Variants in SLC23A2 observed in about 807,000 individuals in gnomAD.
SLC23A2 encodes Na(+)/L-ascorbic acid transporter 2.
A neutral mutation model predicts 73.3 loss-of-function variants in SLC23A2; 36 were observed. The ratio of observed to expected loss-of-function variants is 0.49; its 90% CI spans 0.38 to 0.65. SLC23A2 has a LOEUF of 0.65. Ranked by LOEUF, SLC23A2 falls within the 30% of genes least tolerant of loss-of-function variation. The probability of loss-of-function intolerance (pLI) is 0.00; values close to 1 mark genes in which losing one functional copy is unlikely to be tolerated. For missense variants in SLC23A2, 507 were observed against 841.6 expected, an observed-to-expected ratio of 0.60 and a Z score of 4.92; for synonymous variants, 343 against 327.3, an observed-to-expected ratio of 1.05 and a Z score of -0.52.
chr20:4,972,836 C>G lies in SLC23A2; in HGVS notation c.-281-1917G>C, dbSNP rs542764191. On this transcript the variant is annotated intron_variant, in intron 1 of 16. Transcript: ENST00000338244. ...TCGACCTTAGGTGATCCACCCGCCTCGGCTCCCAAAGTGCTGGGATTACAG... is the reference window on the plus strand; with the variant it reads ...TCGACCTTAGGTGATCCACCCGCCTGGGCTCCCAAAGTGCTGGGATTACAG... Among the ~76,000 whole-genome samples, 3 of 151,774 alleles carry G rather than the reference C, an allele frequency of 2.0e-5. No homozygotes were observed. In the East Asian group the frequency reaches 5.9e-4, roughly 30 times the overall value.
chr20:5,006,909 C>A (rs928426355), intron 1 of SLC23A2, among the ~76,000 whole-genome samples: 1 of 151,678 alleles, frequency 6.6e-6, no homozygotes, highest in Non-Finnish European at 1.5e-5. Context: ...CATAACAGAT[C>A]TAGGGCTGCG....
In SLC23A2 at chr20:4,855,772, T is replaced by C. The variant is rs1035899202; in HGVS notation, c.*1200A>G. On this transcript the variant is annotated 3_prime_UTR_variant, in exon 17 of 17. Coordinates refer to ENST00000338244, the MANE Select transcript of SLC23A2 (RefSeq NM_005116.6). ...TTCACAAAACAAATTCACGTGTAAC[T>C]TGACCCATGGTTTCTGGGCTCCGGT... is the stretch of plus-strand genomic sequence containing the variant. 2.0e-5 allele frequency: 3 copies of C among 152,688 alleles called. No homozygotes were observed. The highest frequency in any genetic ancestry group is 2.1e-4 in the South Asian group (1 of 4,836). 9.5% of individuals were successfully genotyped at this position (152,688 alleles called of 1,614,324 possible). A position where few individuals can be genotyped will look rare whatever the true frequency, so the allele number is the denominator to read the frequency against.
chr20:4,948,871 G>T (rs1162656403), intron 2 of SLC23A2, among the ~76,000 whole-genome samples: 1 of 152,130 alleles, frequency 6.6e-6, no homozygotes, highest in East Asian at 1.9e-4. Context: ...GACCTTAAAA[G>T]AATTAAAAAT....
At chr20:4,996,044 T>C (rs919450000) in intron 1 of SLC23A2, among the ~76,000 whole-genome samples, 6 of 152,144 alleles carry the variant, frequency 3.9e-5, no homozygotes, top group African/African-American at 1.4e-4. Context: ...ACTTCATCAA[T>C]AAATGAAGGA....
At position 4,857,685 on chromosome 20, in the gene SLC23A2, CT is replaced by C; in HGVS notation, c.1721-482del. 6.6e-6 allele frequency among the ~76,000 whole-genome samples: 1 copy of C among 152,154 alleles called. No individual in the cohort carries two copies. Among genetic ancestry groups the C allele is most frequent in the Non-Finnish European group, 1.5e-5 (1 of 68,038 alleles). ...GTGGCTCACACCTGTAATCCAAGCACTTTGGGAGGCCGAGGTGAGAGGATCA... is the reference window on the plus strand; with the variant it reads ...GTGGCTCACACCTGTAATCCAAGCACTTGGGAGGCCGAGGTGAGAGGATCA... On this transcript the variant is annotated intron_variant, in intron 16 of 16. Transcript: ENST00000338244. The surrounding 1 kb of genome is among the most constrained non-coding windows in gnomAD (Gnocchi z 4.0).
chr20:4,958,075 C>T (rs1318751879), intron 2 of SLC23A2, among the ~76,000 whole-genome samples: 3 of 152,144 alleles, frequency 2.0e-5, no homozygotes, highest in Non-Finnish European at 4.4e-5. Flanking sequence ...ACTCTCAAAG[C>T]AAATCCACTG....
intron 2 of SLC23A2, among the ~76,000 whole-genome samples, chr20:4,933,213 A>G (rs915072236): frequency 6.6e-6 from 1 of 152,150 alleles, no homozygotes; most frequent in African/African-American, 2.4e-5. Context: ...GGCAATGCGG[A>G]TACAGCCAAT....
intron 11 of SLC23A2, 29 bp from the exon 12 acceptor site, chr20:4,870,082 C>G (rs775982960): frequency 6.4e-7 from 1 of 1,553,800 alleles, no homozygotes. Context: ...CATGAATGCT[C>G]CTAGAGAGGC....
At chr20:4,926,454 T>C (rs1649855509) in intron 3 of SLC23A2, among the ~76,000 whole-genome samples, 1 of 151,954 alleles carries the variant, frequency 6.6e-6, no homozygotes, top group Non-Finnish European at 1.5e-5. Context: ...GTGCTTCCTG[T>C]CTGTACTTTG....
chr20:4,976,014 C>T (rs1011474940), intron 1 of SLC23A2, among the ~76,000 whole-genome samples: 5 of 151,590 alleles, frequency 3.3e-5, no homozygotes, highest in African/African-American at 4.8e-5. Context: ...TCACCAGGCC[C>T]GGCTAATTTT....
intron 4 of SLC23A2, among the ~76,000 whole-genome samples, chr20:4,911,319 C>CA (rs1481438442): frequency 3.3e-5 from 5 of 152,254 alleles, no homozygotes; most frequent in Admixed American, 3.3e-4. Context: ...ATAATAGCTC[C>CA]AAGCAGCAGG....
intron 13 of SLC23A2, among the ~76,000 whole-genome samples, chr20:4,866,479 G>A (rs956732111): frequency 1.3e-5 from 2 of 152,212 alleles, no homozygotes; most frequent in Non-Finnish European, 2.9e-5. Context: ...CCTGTGCTCA[G>A]CACTGGCTTC....
chr20:4,864,105 AG>A (rs1930095699), intron 13 of SLC23A2, among the ~76,000 whole-genome samples: 1 of 152,232 alleles, frequency 6.6e-6, no homozygotes, highest in African/African-American at 2.4e-5. Context: ...TGCCTCTTGC[AG>A]GAAAACACCC....
intron 2 of SLC23A2, among the ~76,000 whole-genome samples, chr20:4,954,307 C>A (rs755661317): frequency 6.6e-6 from 1 of 152,064 alleles, no homozygotes; most frequent in Non-Finnish European, 1.5e-5. Context: ...AAACTTTGCA[C>A]CCCATAGAAA....
At chr20:4,904,240 C>G (rs368170329) in intron 4 of SLC23A2, among the ~76,000 whole-genome samples, 1 of 152,146 alleles carries the variant, frequency 6.6e-6, no homozygotes, top group Admixed American at 6.5e-5. Flanking sequence ...CATACCTATA[C>G]GACAGATCCC....
intron 2 of SLC23A2, among the ~76,000 whole-genome samples, chr20:4,942,026 T>C (rs982731862): frequency 1.3e-5 from 2 of 152,132 alleles, no homozygotes; most frequent in African/African-American, 4.8e-5. Flanking sequence ...CTACAAAAGA[T>C]GGGCCCAATT....
At chr20:4,917,266 C>T (rs1401034264) in intron 3 of SLC23A2, among the ~76,000 whole-genome samples, 1 of 152,106 alleles carries the variant, frequency 6.6e-6, no homozygotes, top group Non-Finnish European at 1.5e-5. Context: ...AAGGAATGAC[C>T]CTTTGGCACA....
rs891431387 is a variant in SLC23A2, at chr20:4,947,313, A to G, written c.-154-14597T>C. Among the ~76,000 whole-genome samples, 1 of 152,264 alleles carries G rather than the reference A, an allele frequency of 6.6e-6. No individual in the cohort carries two copies. ...GAAAGGGAGGGGCAGTATAGCAAAA[A>G]GTGCAGCCTGCATGACAAAATTAAA... On this transcript the variant is annotated intron_variant, in intron 2 of 16. Coordinates refer to ENST00000338244, the MANE Select transcript of SLC23A2 (RefSeq NM_005116.6). This position sits in a 1 kb window ranked among gnomAD's most constrained non-coding sequence, Gnocchi z 4.4.
intron 2 of SLC23A2, among the ~76,000 whole-genome samples, chr20:4,954,618 A>C (rs2087253614): frequency 6.6e-6 from 1 of 150,808 alleles, no homozygotes; most frequent in Non-Finnish European, 1.5e-5. Flanking sequence ...GAATTGCTTG[A>C]ACCTAGGAGG....
Sources: allele counts gnomAD v4.1 joint callset (sites outside exome capture counted in the v4.1 genomes callset), GRCh38; gene constraint gnomAD v4.1.1; non-coding constraint Gnocchi (gnomAD v3.1); transcripts MANE v1.5; gene names NCBI Gene and HGNC (gene_info 2026-07-23, HGNC 2026-07-21).